SEMA4C: variants seen among roughly 807,000 people sequenced by gnomAD.
The protein encoded by SEMA4C is semaphorin-4C.
SEMA4C carries 19 observed loss-of-function variants against 89.0 expected under a neutral mutation model. That is an observed-to-expected ratio of 0.21 (90% CI 0.15 to 0.31). The LOEUF is 0.31. Ranked by LOEUF, SEMA4C falls within the 10% of genes least tolerant of loss-of-function variation. SEMA4C has a pLI of 1.00. For missense variants in SEMA4C, 811 were observed against 1,107.0 expected, an observed-to-expected ratio of 0.73 and a Z score of 3.79; for synonymous variants, 428 against 472.7, an observed-to-expected ratio of 0.91 and a Z score of 1.23.
rs372074786 is a variant in SEMA4C, at chr2:96,861,526, C to G, written c.1672+53G>C. On this transcript the variant is annotated intron_variant, in intron 14 of 14. Coordinates refer to ENST00000305476, the MANE Select transcript of SEMA4C (RefSeq NM_017789.5). This position sits in a 1 kb window ranked among gnomAD's most constrained non-coding sequence, Gnocchi z 7.8. ...GGGCTGGGGAAGAGGAGAACAGAAACTCCAGCTCTGGTCCAGGGCTCAGCC... is the reference window on the plus strand; with the variant it reads ...GGGCTGGGGAAGAGGAGAACAGAAAGTCCAGCTCTGGTCCAGGGCTCAGCC... 101 of 1,608,450 alleles carry G rather than the reference C, an allele frequency of 6.3e-5. No homozygotes were observed. The highest frequency in any genetic ancestry group is 8.4e-5 in the Non-Finnish European group (99 of 1,175,582).
In SEMA4C at chr2:96,863,473, A is replaced by G. The variant is rs2079998749; in HGVS notation, c.1443+209T>C. 4.5e-6 allele frequency: 6 copies of G among 1,328,040 alleles called. 1 individual carries two copies. In the South Asian group the frequency reaches 9.7e-5, roughly 21 times the overall value. 82.3% of individuals were successfully genotyped at this position (1,328,040 alleles called of 1,614,324 possible). On this transcript the variant is annotated intron_variant, in intron 12 of 14. Transcript: ENST00000305476. ...GCAGCCCCGTGACCTGGCTATATATAATGGCCCTGTGCAGTGCAGATTCCA... is the reference window on the plus strand; with the variant it reads ...GCAGCCCCGTGACCTGGCTATATATGATGGCCCTGTGCAGTGCAGATTCCA...
At chr2:96,870,390 A>T, upstream of SEMA4C, 2 of 922,984 alleles carry the variant, frequency 2.2e-6, no homozygotes, top group Non-Finnish European at 2.6e-6. Context: ...GATCTTTCTG[A>T]AGTGTCCCCC....
At chr2:96,869,603 G>A (rs1014821164) in intron 1 of SEMA4C, 18 of 985,282 alleles carry the variant, frequency 1.8e-5, no homozygotes, top group Non-Finnish European at 2.2e-5. Flanking sequence ...TCCCGGCCGC[G>A]GACCGGACCG....
intron 4 of SEMA4C, 30 bp from the exon 5 acceptor site, chr2:96,865,794 G>A: frequency 6.2e-7 from 1 of 1,613,782 alleles, no homozygotes; most frequent in South Asian, 1.1e-5. Flanking sequence ...CGGTTAGTGA[G>A]AGCGCGAGGG....
intron 12 of SEMA4C, chr2:96,862,178 A>C: frequency 2.2e-6 from 1 of 452,734 alleles, no homozygotes; most frequent in Non-Finnish European, 4.0e-6. Flanking sequence ...CAAAAAGTAT[A>C]ATCACACACA....
Position 96,864,116 on chromosome 2 carries a change from G to A in SEMA4C, c.1140C>T (p.Tyr380=), listed in dbSNP as rs1413920683. Reference sequence around the variant, plus strand: ...TGTCGGGTAGCTCCAGGGAGCTGGTGTAGCCGTGGCGCCGATGCCAGTTGT... The same window carrying A: ...TGTCGGGTAGCTCCAGGGAGCTGGTATAGCCGTGGCGCCGATGCCAGTTGT... The part of the protein sequence containing the change: ...CINNWHRRHG[Y]TSSLELPDNI... Residue 380 remains tyrosine, a synonymous_variant, in exon 11 of 15, where the codon TAC becomes TAT. Transcript: ENST00000305476. The surrounding 1 kb of genome is among the most constrained non-coding windows in gnomAD (Gnocchi z 6.3). 6.2e-7 allele frequency: 1 copy of A among 1,612,874 alleles called. No homozygotes were observed. Among genetic ancestry groups the A allele is most frequent in the African/African-American group, 1.3e-5 (1 of 75,004 alleles).
rs1286977164 is a variant in SEMA4C, at chr2:96,865,318, C to T, written c.520G>A (p.Gly174Ser). 1 of 1,614,152 alleles carries T rather than the reference C, an allele frequency of 6.2e-7. No individual in the cohort carries two copies. Among genetic ancestry groups the T allele is most frequent in the Admixed American group, 1.7e-5 (1 of 60,018 alleles). Residue 174 changes from glycine (G) to serine (S), a missense_variant and splice_region_variant, in exon 7 of 15, where the codon GGT (glycine) becomes AGT (serine). This residue lies in a region of SEMA4C where 441 missense variants were observed against 664.9 expected (regional missense o/e 0.66). Transcript: ENST00000305476. The part of the protein sequence containing the change: ...AKGHAGLLVD[G>S]ELYSATLNNF... ...TTGAGTGTGGCCGAGTACAGCTCACCATCTATGGGAGACAGAGGTCAGCTA... is the reference window on the plus strand; with the variant it reads ...TTGAGTGTGGCCGAGTACAGCTCACTATCTATGGGAGACAGAGGTCAGCTA...
rs865943953 is a variant in SEMA4C, at chr2:96,864,549, C to A, written c.962+156G>T. On this transcript the variant is annotated intron_variant, in intron 9 of 14. Transcript: ENST00000305476. This position sits in a 1 kb window ranked among gnomAD's most constrained non-coding sequence, Gnocchi z 6.3. ...GCATGGGGCCCTGCCCCTTCACAGG[C>A]AGCTCTGAAAGGGGCAGGTGCCAGC... 6.6e-6 allele frequency among the ~76,000 whole-genome samples: 1 copy of A among 152,166 alleles called. No individual in the cohort carries two copies. The highest frequency in any genetic ancestry group is 1.5e-5 in the Non-Finnish European group (1 of 68,032).
intron 1 of SEMA4C, chr2:96,868,993 C>T: frequency 1.0e-6 from 1 of 985,356 alleles, no homozygotes; most frequent in Non-Finnish European, 1.2e-6. Flanking sequence ...GCCAAGACCC[C>T]GTCCCGGGTC....
Position 96,865,947 on chromosome 2 carries a change from G to T in SEMA4C, c.259-18C>A. The T allele has an allele frequency of 6.2e-7, 1 of 1,613,180 alleles. No individual in the cohort carries two copies. The highest frequency in any genetic ancestry group is 8.5e-7 in the Non-Finnish European group (1 of 1,179,402). ...CAGGAGATCTGGGGAAAGGGAAGGGGATGTCAGCCACGTTACAGGTACGGA... is the reference window on the plus strand; with the variant it reads ...CAGGAGATCTGGGGAAAGGGAAGGGTATGTCAGCCACGTTACAGGTACGGA... On this transcript the variant is annotated intron_variant, in intron 3 of 14. Coordinates refer to ENST00000305476, the MANE Select transcript of SEMA4C (RefSeq NM_017789.5).
In SEMA4C at chr2:96,865,549, G is replaced by A. The variant is rs1340114448; in HGVS notation, c.421-12C>T. ...AAGGTGAGCATGTTCTAAGGACAGA[G>A]AGAGAGGTGATGAGGAGATGCTTAA... is the stretch of plus-strand genomic sequence containing the variant. On this transcript the variant is annotated splice_polypyrimidine_tract_variant and intron_variant, in intron 5 of 14. Coordinates refer to ENST00000305476, the MANE Select transcript of SEMA4C (RefSeq NM_017789.5). 1.2e-6 allele frequency: 2 copies of A among 1,613,032 alleles called. No homozygotes were observed. The highest frequency in any genetic ancestry group is 1.7e-6 in the Non-Finnish European group (2 of 1,179,180).
At position 96,860,412 on chromosome 2, in the gene SEMA4C, G is replaced by GA. The variant is rs1309631993; in HGVS notation, c.*213dup. ...CGTGTCTGTGATTCACAGAGAGGAG[G>GA]AAGATGCCTTCTGCGAGGCTGGTGC... is the stretch of plus-strand genomic sequence containing the variant. On this transcript the variant is annotated 3_prime_UTR_variant, in exon 15 of 15. Transcript: ENST00000305476. The GA allele has an allele frequency of 9.3e-6, 5 of 536,588 alleles. No individual in the cohort carries two copies. In the African/African-American group the frequency reaches 9.5e-5, roughly 10 times the overall value. 33.2% of individuals were successfully genotyped at this position (536,588 alleles called of 1,614,324 possible). A position where few individuals can be genotyped will look rare whatever the true frequency, so the allele number is the denominator to read the frequency against.
Position 96,864,466 on chromosome 2 carries a change from G to A in SEMA4C, c.963-84C>T, listed in dbSNP as rs1012790446. 14 of 1,575,174 alleles carry A rather than the reference G, an allele frequency of 8.9e-6. No individual in the cohort carries two copies. The highest frequency in any genetic ancestry group is 8.5e-5 in the Admixed American group (5 of 58,800). ...CTAAGGGCAAGCAGCAGGAAGGCAG[G>A]GCCTGGCACAAACTGGCCATGGGTA... On this transcript the variant is annotated intron_variant, in intron 9 of 14. Coordinates refer to ENST00000305476, the MANE Select transcript of SEMA4C (RefSeq NM_017789.5). The surrounding 1 kb of genome is among the most constrained non-coding windows in gnomAD (Gnocchi z 6.3).
At position 96,870,057 on chromosome 2, in the gene SEMA4C, A is replaced by G. The variant is rs1574160130; in HGVS notation, c.-219T>C. 1 of 974,210 alleles carries G rather than the reference A, an allele frequency of 1.0e-6. No individual in the cohort carries two copies. The highest frequency in any genetic ancestry group is 1.2e-6 in the Non-Finnish European group (1 of 820,144). 60.3% of individuals were successfully genotyped at this position (974,210 alleles called of 1,614,324 possible). A position where few individuals can be genotyped will look rare whatever the true frequency, so the allele number is the denominator to read the frequency against. ...CTAGGCTCGGGCTCCCCGCGCCACCACGGCGGGCGCCGGCTCTTTCTCCAG... is the reference window on the plus strand; with the variant it reads ...CTAGGCTCGGGCTCCCCGCGCCACCGCGGCGGGCGCCGGCTCTTTCTCCAG... On this transcript the variant is annotated 5_prime_UTR_variant, in exon 1 of 15. Transcript: ENST00000305476.
At chr2:96,869,768 CCAGCCCCTGTCCCTCCCGCGTCCGG>C (rs1423810925) in intron 1 of SEMA4C, 83 bp downstream of exon 1, 1 of 984,602 alleles carries the variant, frequency 1.0e-6, no homozygotes, top group African/African-American at 1.8e-5. Flanking sequence ...TCCCCGCGCC[CCAGCCCCTGTCCCTCCCGCGTCCGG>C]CAGCCCCTGC....
chr2:96,870,346 T>A (rs537043191), upstream of SEMA4C: 174 of 982,072 alleles, frequency 1.8e-4, 2 homozygotes, highest in African/African-American at 3.0e-3. Flanking sequence ...GGGGAGGGAC[T>A]CCGGGTATGG....
chr2:96,869,154 C>T (rs894494413), intron 1 of SEMA4C: 50 of 985,380 alleles, frequency 5.1e-5, no homozygotes, highest in Non-Finnish European at 5.7e-5. Context: ...ACCAGCCCCC[C>T]AAAACGCCCG....
chr2:96,860,543 C>T lies in SEMA4C; in HGVS notation c.*83G>A. ...GTCCCAGACAGAGCAGGTGCCCGTG[C>T]CATGTCCCTGAGGTAGCTGGTGCCT... On this transcript the variant is annotated 3_prime_UTR_variant, in exon 15 of 15. Transcript: ENST00000305476. 3 of 1,271,168 alleles carry T rather than the reference C, an allele frequency of 2.4e-6. No homozygotes were observed. The highest frequency in any genetic ancestry group is 3.3e-6 in the Non-Finnish European group (3 of 910,500). The allele number at this position is 1,271,168 out of a possible 1,614,324, so 78.7% of individuals were successfully genotyped here. A position where few individuals can be genotyped will look rare whatever the true frequency, so the allele number is the denominator to read the frequency against.
upstream of SEMA4C, chr2:96,870,126 G>C (rs933253886): frequency 1.0e-5 from 10 of 972,220 alleles, no homozygotes; most frequent in Non-Finnish European, 1.1e-5. Flanking sequence ...CGTCAGGCTG[G>C]GGGGGTCGAG....
Sources: allele counts gnomAD v4.1 joint callset (sites outside exome capture counted in the v4.1 genomes callset), GRCh38; gene constraint gnomAD v4.1.1; regional missense constraint gnomAD v4.1.1; non-coding constraint Gnocchi (gnomAD v3.1); transcripts MANE v1.5; gene names NCBI Gene and HGNC (gene_info 2026-07-23, HGNC 2026-07-21).